Variants in RBFOX1 observed in about 807,000 individuals in gnomAD.
RBFOX1 encodes RNA binding protein fox-1 homolog 1.
RBFOX1 carries 8 observed loss-of-function variants against 57.7 expected under a neutral mutation model. That is an observed-to-expected ratio of 0.14 (90% CI 0.08 to 0.25). The LOEUF (loss-of-function observed/expected upper bound fraction) is 0.25. RBFOX1 is among the 10% of genes least tolerant of loss of function. The probability of loss-of-function intolerance (pLI) is 1.00; values close to 1 mark genes in which losing one functional copy is unlikely to be tolerated. For missense variants in RBFOX1, 611 were observed against 548.5 expected (o/e 1.11, Z -1.14); for synonymous variants, 326 against 222.4 (o/e 1.47, Z -4.15).
chr16:5,831,700 G>C (rs193250049), intron 3 of RBFOX1, among the ~76,000 whole-genome samples: 2 of 151,948 alleles, frequency 1.3e-5, no homozygotes, highest in Admixed American at 6.6e-5. Context: ...TGTTGGAGAG[G>C]CTGGGATTAC....
chr16:5,392,190 CTTGGGTGATGG>C (rs2066430502), intron 1 of RBFOX1, among the ~76,000 whole-genome samples: 1 of 152,050 alleles, frequency 6.6e-6, no homozygotes, highest in African/African-American at 2.4e-5. Context: ...TTATGTACTG[CTTGGGTGATGG>C]GTGCACCAAA....
intron 4 of RBFOX1, among the ~76,000 whole-genome samples, chr16:7,200,597 G>C (rs969983829): frequency 2.0e-5 from 3 of 152,200 alleles, no homozygotes; most frequent in African/African-American, 7.2e-5. Context: ...GAAACTGCCA[G>C]CTGTCTACCC....
At position 6,767,871 on chromosome 16, in the gene RBFOX1, G is replaced by A. The variant is rs1032006218; in HGVS notation, c.-16+113221G>A. 6.0e-5 allele frequency among the ~76,000 whole-genome samples: 9 copies of A among 150,220 alleles called. No individual in the cohort carries two copies. In the East Asian group the frequency reaches 9.8e-4, roughly 16 times the overall value. On this transcript the variant is annotated intron_variant, in intron 3 of 15. Transcript: ENST00000550418. The stretch of plus-strand genomic sequence containing the variant: ...GGAGGTTGCAGTGAGCCGAGATCGC[G>A]CCATTGCACTCCAGCCTGGGCAACA...
At chr16:6,621,263 T>C (rs192541315) in intron 2 of RBFOX1, among the ~76,000 whole-genome samples, 7,207 of 151,690 alleles carry the variant, frequency 0.048, 216 homozygotes, top group African/African-American at 0.05. Flanking sequence ...AGATGGAGAG[T>C]ATCTTGGCTA....
chr16:5,864,697 T>C (rs756624998), intron 3 of RBFOX1, among the ~76,000 whole-genome samples: 3 of 152,210 alleles, frequency 2.0e-5, no homozygotes, highest in Admixed American at 6.5e-5. Context: ...TGGATCATAA[T>C]TGACTTGGCT....
chr16:6,929,061 A>G (rs377457759), intron 3 of RBFOX1, among the ~76,000 whole-genome samples: 4 of 152,146 alleles, frequency 2.6e-5, no homozygotes, highest in South Asian at 4.1e-4. Context: ...ACGCCAGGAA[A>G]ACACCATGCT....
chr16:7,197,889 T>C (rs936632917), intron 4 of RBFOX1, among the ~76,000 whole-genome samples: 1 of 151,728 alleles, frequency 6.6e-6, no homozygotes, highest in Non-Finnish European at 1.5e-5. Flanking sequence ...GAAAACAGAA[T>C]GGGGGTTGCC....
At chr16:6,689,828 G>A (rs897289570) in intron 3 of RBFOX1, among the ~76,000 whole-genome samples, 3 of 152,144 alleles carry the variant, frequency 2.0e-5, no homozygotes, top group East Asian at 1.9e-4. Context: ...TTGAGCGAGG[G>A]CAGTAAGCTT....
intron 4 of RBFOX1, among the ~76,000 whole-genome samples, chr16:7,411,104 C>T (rs527842623): frequency 1.3e-5 from 2 of 152,046 alleles, no homozygotes; most frequent in African/African-American, 4.8e-5. Context: ...AGCCACCATG[C>T]CTGACCAATT....
At chr16:7,068,777 T>C (rs2056710574) in intron 4 of RBFOX1, among the ~76,000 whole-genome samples, 1 of 152,066 alleles carries the variant, frequency 6.6e-6, no homozygotes, top group Non-Finnish European at 1.5e-5. Context: ...TTAGCAGAGA[T>C]GGAGTTTCAC....
At chr16:7,268,119 A>G (rs1227541164) in intron 4 of RBFOX1, among the ~76,000 whole-genome samples, 1 of 152,182 alleles carries the variant, frequency 6.6e-6, no homozygotes, top group African/African-American at 2.4e-5. Context: ...CATGTGTAAC[A>G]TCATGGCCAG....
chr16:7,404,769 G>C (rs527405272), intron 4 of RBFOX1, among the ~76,000 whole-genome samples: 1 of 152,122 alleles, frequency 6.6e-6, no homozygotes, highest in Admixed American at 6.5e-5. Flanking sequence ...TTGTTGTCAC[G>C]TCTTTATCAG....
intron 4 of RBFOX1, among the ~76,000 whole-genome samples, chr16:7,151,047 A>C (rs2076008533): frequency 6.6e-6 from 1 of 152,194 alleles, no homozygotes; most frequent in Admixed American, 6.5e-5. Flanking sequence ...GGTAGCACAG[A>C]AGTTCTCTCC....
intron 1 of RBFOX1, among the ~76,000 whole-genome samples, chr16:6,066,293 CAAAAAAAAAAA>C (rs372412356): frequency 4.0e-5 from 2 of 50,400 alleles, no homozygotes; most frequent in African/African-American, 1.4e-4. Context: ...GACTCTGTCT[CAAAAAAAAAAA>C]AAAAAAAAAA....
chr16:7,175,334 A>G (rs964447872), intron 4 of RBFOX1, among the ~76,000 whole-genome samples: 1 of 151,786 alleles, frequency 6.6e-6, no homozygotes. Context: ...TTCGCCTGTG[A>G]AATGGGTCTC....
intron 4 of RBFOX1, among the ~76,000 whole-genome samples, chr16:7,128,247 A>T (rs1000292228): frequency 1.3e-5 from 2 of 152,232 alleles, no homozygotes; most frequent in African/African-American, 4.8e-5. Flanking sequence ...CTTTTTGTAT[A>T]TGAACTCTGT....
chr16:6,179,908 G>A (rs752920205), intron 1 of RBFOX1, among the ~76,000 whole-genome samples: 4 of 152,088 alleles, frequency 2.6e-5, no homozygotes, highest in Non-Finnish European at 4.4e-5. Context: ...TCTATTCCTC[G>A]GTTGTGAGGG....
intron 4 of RBFOX1, among the ~76,000 whole-genome samples, chr16:5,991,645 G>GTTTCTT (rs1567229409): frequency 8.1e-6 from 1 of 123,934 alleles, no homozygotes; most frequent in Non-Finnish European, 1.8e-5. Context: ...TTATTAGATA[G>GTTTCTT]TTTTTTTTTT....
Position 6,495,232 on chromosome 16 carries a change from C to T in RBFOX1, c.-63-159371C>T, listed in dbSNP as rs138681689. ...CTCCCGGATTCAAGCGATTCTTTTG[C>T]CGCAGCCTCCTGAATTGCTGGGATT... On this transcript the variant is annotated intron_variant, in intron 2 of 15. Coordinates refer to ENST00000550418, the MANE Select transcript of RBFOX1 (RefSeq NM_018723.4). Among the ~76,000 whole-genome samples the T allele has an allele frequency of 7.4e-3, 1,125 of 152,262 alleles. 14 individuals are homozygous for T. Among genetic ancestry groups the T allele is most frequent in the Non-Finnish European group, 9.7e-3 (663 of 68,008 alleles).
Sources: allele counts gnomAD v4.1 joint callset (sites outside exome capture counted in the v4.1 genomes callset), GRCh38; gene constraint gnomAD v4.1.1; transcripts MANE v1.5; gene names NCBI Gene and HGNC (gene_info 2026-07-23, HGNC 2026-07-21).